The following NFU1 variants were observed in gnomAD, a reference collection of about 807,000 sequenced individuals.
NFU1 encodes the protein NFU1 iron-sulfur cluster scaffold.
NFU1 carries 30 observed loss-of-function variants against 32.2 expected under a neutral mutation model. The observed-to-expected ratio is 0.93, with a 90% CI of 0.70 to 1.26. The LOEUF is 1.26. Ranked by LOEUF, NFU1 falls within the 50% of genes most tolerant of loss-of-function variation. The pLI is 0.00. For missense variants in NFU1, 306 were observed against 306.6 expected (o/e 1.00, Z 0.02); for synonymous variants, 112 against 104.6 (o/e 1.07, Z -0.43).
chr2:69,418,621 C>T (rs1439307421), intron 4 of NFU1, among the ~76,000 whole-genome samples: 1 of 152,082 alleles, frequency 6.6e-6, no homozygotes, highest in Non-Finnish European at 1.5e-5. Context: ...CGCCCGCCAC[C>T]ATGCCCGGCT....
chr2:69,416,464 T>G (rs1189690537), intron 4 of NFU1, among the ~76,000 whole-genome samples: 1 of 151,246 alleles, frequency 6.6e-6, no homozygotes, highest in Non-Finnish European at 1.5e-5. Context: ...AAATATTAAA[T>G]GGATTTTCTG....
intron 2 of NFU1, among the ~76,000 whole-genome samples, chr2:69,429,686 CA>C (rs1673575588): frequency 6.6e-6 from 1 of 152,076 alleles, no homozygotes; most frequent in Admixed American, 6.5e-5. Context: ...AAATGAATGA[CA>C]TCATCACAGA....
At chr2:69,427,572 T>C (rs1168076907) in intron 2 of NFU1, among the ~76,000 whole-genome samples, 2 of 145,180 alleles carry the variant, frequency 1.4e-5, no homozygotes, top group African/African-American at 2.6e-5. Context: ...CCCAGCTACT[T>C]GGGAGGCTGA....
At chr2:69,437,522 C>T (rs905423754), upstream of NFU1, 3 of 1,449,676 alleles carry the variant, frequency 2.1e-6, no homozygotes, top group Non-Finnish European at 2.8e-6. Flanking sequence ...AAGAGCCCAC[C>T]CTACCGGCTG....
At chr2:69,404,615 A>ATTTTTTTTTTTTTTT (rs534309730) in intron 6 of NFU1, among the ~76,000 whole-genome samples, 1,787 of 72,900 alleles carry the variant, frequency 0.025, 361 homozygotes, top group East Asian at 0.039. Context: ...ATCTTAGCAA[A>ATTTTTTTTTTTTTTT]TTTTTTTTTT....
chr2:69,396,142 G>T lies in NFU1; in HGVS notation c.*104C>A. 1 of 902,104 alleles carries T rather than the reference G, an allele frequency of 1.1e-6. No homozygotes were observed. Among genetic ancestry groups the T allele is most frequent in the Non-Finnish European group, 1.8e-6 (1 of 558,078 alleles). 55.9% of individuals were successfully genotyped at this position (902,104 alleles called of 1,614,324 possible). On this transcript the variant is annotated 3_prime_UTR_variant, in exon 8 of 8. Coordinates refer to ENST00000410022, the MANE Select transcript of NFU1 (RefSeq NM_001002755.4). ...ATATTTATATATCATTCTCTGAAGA[G>T]CATATTTTATTAATCTTCAAGTTCC...
At chr2:69,428,494 T>C (rs112346730) in intron 2 of NFU1, among the ~76,000 whole-genome samples, 2 of 152,324 alleles carry the variant, frequency 1.3e-5, no homozygotes, top group African/African-American at 4.8e-5. Context: ...ACATGTATTA[T>C]ATCATTTAAT....
chr2:69,404,373 T>A, intron 6 of NFU1, among the ~76,000 whole-genome samples: 1 of 149,372 alleles, frequency 6.7e-6, no homozygotes, highest in Admixed American at 6.7e-5. Context: ...ATGCCTGTAA[T>A]CCCAGCTACT....
At chr2:69,432,716 A>G (rs1190196490) in intron 1 of NFU1, among the ~76,000 whole-genome samples, 1 of 152,156 alleles carries the variant, frequency 6.6e-6, no homozygotes, top group African/African-American at 2.4e-5. Context: ...ATAGAGTCAC[A>G]TGGTTCAAAA....
At chr2:69,434,687 G>T (rs375410890) in intron 1 of NFU1, among the ~76,000 whole-genome samples, 1 of 152,130 alleles carries the variant, frequency 6.6e-6, no homozygotes, top group African/African-American at 2.4e-5. Flanking sequence ...TTAAGTACAG[G>T]AGTCATTTAT....
intron 7 of NFU1, among the ~76,000 whole-genome samples, chr2:69,396,625 C>T (rs1167834608): frequency 1.3e-5 from 2 of 151,494 alleles, no homozygotes; most frequent in South Asian, 2.1e-4. Context: ...TGCACTCCAG[C>T]GTGGGCAACA....
chr2:69,438,348 C>T (rs1298266718), upstream of NFU1, among the ~76,000 whole-genome samples: 1 of 151,766 alleles, frequency 6.6e-6, no homozygotes, highest in African/African-American at 2.4e-5. Flanking sequence ...CTCCTGGGCT[C>T]AAGTGATTCA....
intron 3 of NFU1, among the ~76,000 whole-genome samples, chr2:69,422,746 C>T (rs1301798993): frequency 7.3e-5 from 11 of 151,716 alleles, no homozygotes; most frequent in Admixed American, 5.9e-4. Context: ...CTCACTCGCT[C>T]GCCTAGGCTG....
intron 2 of NFU1, among the ~76,000 whole-genome samples, chr2:69,427,123 C>T (rs181629039): frequency 1.3e-5 from 2 of 151,048 alleles, no homozygotes; most frequent in African/African-American, 2.4e-5. Context: ...TGGTGGCTCA[C>T]GCCTATAATC....
At chr2:69,400,573 T>A (rs748745650) in intron 6 of NFU1, 35 bp from the exon 7 acceptor site, 1 of 1,592,296 alleles carries the variant, frequency 6.3e-7, no homozygotes, top group Non-Finnish European at 8.6e-7. Flanking sequence ...ACATATTCTT[T>A]AAAATACAAG....
At chr2:69,397,051 G>A (rs1304412516) in intron 7 of NFU1, among the ~76,000 whole-genome samples, 1 of 150,890 alleles carries the variant, frequency 6.6e-6, no homozygotes, top group Admixed American at 6.6e-5. Context: ...CTCCAGCTTG[G>A]TGATAGAGCA....
intron 3 of NFU1, among the ~76,000 whole-genome samples, chr2:69,421,562 C>CTGCT (rs1553400788): frequency 2.4e-4 from 17 of 70,760 alleles, no homozygotes; most frequent in African/African-American, 9.8e-4. Flanking sequence ...ATCATTTGTG[C>CTGCT]TTTTTTTTTT....
At chr2:69,427,807 C>A (rs547180261) in intron 2 of NFU1, among the ~76,000 whole-genome samples, 8 of 151,342 alleles carry the variant, frequency 5.3e-5, no homozygotes, top group African/African-American at 1.5e-4. Flanking sequence ...CATGGTGAAA[C>A]CCCGTCTCTA....
At chr2:69,408,012 CAA>C (rs199682373) in intron 5 of NFU1, among the ~76,000 whole-genome samples, 2,473 of 124,542 alleles carry the variant, frequency 0.02, 54 homozygotes, top group African/African-American at 0.057. Flanking sequence ...GACCCCACCT[CAA>C]AAAAAAAAAA....
Sources: gnomAD v4.1 joint callset for allele counts (sites outside exome capture counted in the v4.1 genomes callset) on GRCh38, gnomAD v4.1.1 for gene constraint, MANE v1.5 for transcripts, NCBI Gene and HGNC (gene_info 2026-07-23, HGNC 2026-07-21) for gene names.